SLC38A6: variants seen among roughly 807,000 people sequenced by gnomAD.
SLC38A6 encodes the protein N system amino acid transporter NAT-1.
In SLC38A6, 73 loss-of-function variants were observed where a neutral mutation model predicts 65.0. The observed-to-expected ratio is 1.12, with a 90% confidence interval of 0.93 to 1.37. SLC38A6 has a LOEUF of 1.37. SLC38A6 is among the 40% of genes most tolerant of loss of function. SLC38A6 has a pLI of 0.00. For synonymous variants in SLC38A6, 183 were observed against 178.8 expected (o/e 1.02, Z -0.19); for missense variants, 561 against 531.1 (o/e 1.06, Z -0.55).
At chr14:60,999,397 C>G (rs2038540982) in intron 3 of SLC38A6, among the ~76,000 whole-genome samples, 1 of 152,068 alleles carries the variant, frequency 6.6e-6, no homozygotes, top group Non-Finnish European at 1.5e-5. Context: ...TTGTGTGCTC[C>G]TCATTTTTTT....
At chr14:61,050,273 T>C (rs533068610) in intron 12 of SLC38A6, among the ~76,000 whole-genome samples, 1 of 152,296 alleles carries the variant, frequency 6.6e-6, no homozygotes, top group African/African-American at 2.4e-5. Context: ...TTAGTATACA[T>C]ATTCATTGTC....
chr14:60,995,054 A>G (rs1253301771), intron 3 of SLC38A6, among the ~76,000 whole-genome samples: 3 of 152,066 alleles, frequency 2.0e-5, no homozygotes, highest in Non-Finnish European at 2.9e-5. Flanking sequence ...CAAGCCATGA[A>G]AAGTCATGGA....
downstream of SLC38A6, chr14:61,052,688 G>T (rs576120116): frequency 3.3e-5 from 9 of 276,622 alleles, no homozygotes; most frequent in African/African-American, 6.8e-5. Flanking sequence ...TTTTATGTTT[G>T]CAGAAATACT....
At chr14:61,068,222 C>G (rs1005138091) in intron 15 of SLC38A6, among the ~76,000 whole-genome samples, 6 of 152,146 alleles carry the variant, frequency 3.9e-5, no homozygotes, top group African/African-American at 1.4e-4. Context: ...TTTCTCATAT[C>G]TGTCAGCAGC....
rs113291784 is a variant in SLC38A6, at chr14:61,026,266, G to A, written c.404-4179G>A. The stretch of plus-strand genomic sequence containing the variant: ...GCACAGAGACTGATTTTTATTTTTT[G>A]GATTTCAGTGGAGTGTTAATATTTC... On this transcript the variant is annotated intron_variant, in intron 5 of 15. Coordinates refer to ENST00000267488, the MANE Select transcript of SLC38A6 (RefSeq NM_153811.3). Among the ~76,000 whole-genome samples the A allele has an allele frequency of 8.6e-3, 1,303 of 151,994 alleles. 22 individuals are homozygous for A. Among genetic ancestry groups the A allele is most frequent in the African/African-American group, 0.03 (1,229 of 41,448 alleles).
intron 3 of SLC38A6, among the ~76,000 whole-genome samples, chr14:60,991,118 A>G (rs2037851044): frequency 6.6e-6 from 1 of 152,204 alleles, no homozygotes; most frequent in Non-Finnish European, 1.5e-5. Flanking sequence ...ATTCTTAACA[A>G]AACAACCATA....
At chr14:60,995,438 GA>G (rs1348602957) in intron 3 of SLC38A6, among the ~76,000 whole-genome samples, 1 of 152,190 alleles carries the variant, frequency 6.6e-6, no homozygotes, top group East Asian at 1.9e-4. Context: ...GAACAGAGTA[GA>G]ACAGTGGTTA....
At chr14:61,039,524 A>ATTTT (rs5809078) in intron 8 of SLC38A6, among the ~76,000 whole-genome samples, 2 of 130,594 alleles carry the variant, frequency 1.5e-5, no homozygotes, top group Non-Finnish European at 1.6e-5. Flanking sequence ...GTGCATGCTA[A>ATTTT]TTTTTTTTTT....
At chr14:61,042,018 T>C (rs1325839206) in intron 8 of SLC38A6, among the ~76,000 whole-genome samples, 1 of 152,178 alleles carries the variant, frequency 6.6e-6, no homozygotes, top group African/African-American at 2.4e-5. Flanking sequence ...ATGGTGAGAT[T>C]ATTGCTTTTG....
intron 16 of SLC38A6, among the ~76,000 whole-genome samples, chr14:61,079,697 G>T (rs534434676): frequency 1.9e-4 from 29 of 152,232 alleles, no homozygotes; most frequent in African/African-American, 6.3e-4. Context: ...CTTTAGGAAA[G>T]GTTCCACATC....
At chr14:61,013,701 T>G (rs1400476581) in intron 3 of SLC38A6, among the ~76,000 whole-genome samples, 2 of 152,236 alleles carry the variant, frequency 1.3e-5, no homozygotes, top group African/African-American at 4.8e-5. Flanking sequence ...TTAAGAATGT[T>G]GAATATTGGC....
chr14:61,081,356 A>G (rs894543176), intron 16 of SLC38A6, among the ~76,000 whole-genome samples: 1 of 100,430 alleles, frequency 1.0e-5, no homozygotes, highest in Non-Finnish European at 2.5e-5. Context: ...TTTGCTCATC[A>G]CTCATAGAAA....
chr14:61,046,769 G>C (rs920998511), intron 12 of SLC38A6, among the ~76,000 whole-genome samples: 5 of 152,022 alleles, frequency 3.3e-5, no homozygotes, highest in African/African-American at 1.2e-4. Context: ...TGTCTGCTTT[G>C]TATGTTGACT....
intron 3 of SLC38A6, among the ~76,000 whole-genome samples, chr14:61,008,252 T>G (rs2139444593): frequency 6.6e-6 from 1 of 152,240 alleles, no homozygotes; most frequent in South Asian, 2.1e-4. Context: ...AAGTTAAAAT[T>G]TTTGTTCTTA....
intron 3 of SLC38A6, among the ~76,000 whole-genome samples, chr14:61,013,515 A>G (rs1023981611): frequency 1.2e-4 from 18 of 152,078 alleles, no homozygotes; most frequent in African/African-American, 4.3e-4. Context: ...TTTTGCAGTG[A>G]CTGGTACTGG....
chr14:61,000,289 C>G (rs894864098), intron 3 of SLC38A6, among the ~76,000 whole-genome samples: 1 of 152,124 alleles, frequency 6.6e-6, no homozygotes, highest in Non-Finnish European at 1.5e-5. Context: ...TACATAAGTT[C>G]CAAAATAAAC....
In SLC38A6 at chr14:61,052,030, C is replaced by G; in HGVS notation, c.1196-11C>G. 6.3e-7 allele frequency: 1 copy of G among 1,599,380 alleles called. No individual in the cohort carries two copies. Among genetic ancestry groups the G allele is most frequent in the Non-Finnish European group, 8.5e-7 (1 of 1,174,346 alleles). ...GCAATATCCTCTCTTTTTTTTCCCT[C>G]CACTTTAAAGGTGCCAGTACATCAA... On this transcript the variant is annotated splice_polypyrimidine_tract_variant and intron_variant, in intron 14 of 15. Coordinates refer to ENST00000267488, the MANE Select transcript of SLC38A6 (RefSeq NM_153811.3).
intron 12 of SLC38A6, chr14:61,048,112 C>T (rs114283685): frequency 2.2e-6 from 1 of 451,432 alleles, no homozygotes; most frequent in African/African-American, 2.0e-5. Flanking sequence ...GATTGTGAAT[C>T]ATAACCAAGA....
At chr14:61,009,847 T>A (rs2039423629) in intron 3 of SLC38A6, among the ~76,000 whole-genome samples, 1 of 152,226 alleles carries the variant, frequency 6.6e-6, no homozygotes, top group Non-Finnish European at 1.5e-5. Context: ...AACATACGTG[T>A]GCCTTTGTCT....
Sources: allele counts gnomAD v4.1 joint callset (sites outside exome capture counted in the v4.1 genomes callset), GRCh38; gene constraint gnomAD v4.1.1; transcripts MANE v1.5; gene names NCBI Gene and HGNC (gene_info 2026-07-23, HGNC 2026-07-21).